MACROD2: variants seen among roughly 807,000 people sequenced by gnomAD.
The protein encoded by MACROD2 is mono-ADP ribosylhydrolase 2, also known as ADP-ribose glycohydrolase MACROD2.
In MACROD2, 36 loss-of-function variants were observed where a neutral mutation model predicts 70.4. The ratio of observed to expected loss-of-function variants is 0.51; its 90% CI spans 0.39 to 0.68. The LOEUF (loss-of-function observed/expected upper bound fraction) is 0.68, where lower values mean the gene tolerates loss of function less well. MACROD2 is among the 30% of genes least tolerant of loss of function. The pLI is 0.00. For synonymous variants in MACROD2, 172 were observed against 178.8 expected (o/e 0.96, Z 0.30); for missense variants, 496 against 538.4 (o/e 0.92, Z 0.78).
At chr20:14,410,860 A>C (rs1339170226) in intron 3 of MACROD2, among the ~76,000 whole-genome samples, 2 of 152,120 alleles carry the variant, frequency 1.3e-5, no homozygotes, top group African/African-American at 4.8e-5. Context: ...CTCAACTACA[A>C]ACACTCTCAT....
rs1018968644 is a variant in MACROD2, at chr20:15,197,033, G to A, written c.419-32907G>A. The A allele has an allele frequency of 2.9e-5, 29 of 985,350 alleles. No individual in the cohort carries two copies. The African/African-American group carries it at 4.9e-4, about 17-fold the overall frequency. The allele number at this position is 985,350 out of a possible 1,614,324, so 61.0% of individuals were successfully genotyped here. ...GGTCGCATAGAGCCAGTTTATGCAG[G>A]TGAGTATTTTGCTCACTCTTATAAG... On this transcript the variant is annotated intron_variant, in intron 5 of 17. Coordinates refer to ENST00000684519, the MANE Select transcript of MACROD2 (RefSeq NM_001351661.2).
At chr20:14,142,362 T>C (rs766586994) in intron 3 of MACROD2, among the ~76,000 whole-genome samples, 8 of 152,184 alleles carry the variant, frequency 5.3e-5, no homozygotes, top group Non-Finnish European at 1.2e-4. Context: ...TTATTGTCTT[T>C]GCTGCTGCTT....
chr20:15,441,028 G>A (rs2046488505), intron 7 of MACROD2, among the ~76,000 whole-genome samples: 1 of 152,142 alleles, frequency 6.6e-6, no homozygotes, highest in Non-Finnish European at 1.5e-5. Context: ...CAGTGCTGGG[G>A]CCAAGCCTAT....
At chr20:14,863,112 C>T (rs381590) in intron 5 of MACROD2, among the ~76,000 whole-genome samples, 3,411 of 152,060 alleles carry the variant, frequency 0.022, 58 homozygotes, top group Non-Finnish European at 0.033. Context: ...AGAAGCAAAT[C>T]ACCCACGGGT....
intron 8 of MACROD2, among the ~76,000 whole-genome samples, chr20:15,607,604 G>T (rs1207946928): frequency 6.6e-6 from 1 of 152,176 alleles, no homozygotes; most frequent in Non-Finnish European, 1.5e-5. Flanking sequence ...CACTATCTTG[G>T]CTCACTGCAA....
At chr20:15,475,348 T>C (rs1276388274) in intron 7 of MACROD2, among the ~76,000 whole-genome samples, 1 of 152,216 alleles carries the variant, frequency 6.6e-6, no homozygotes, top group Admixed American at 6.5e-5. Context: ...ATGATGAATC[T>C]GCAAGAAAGT....
intron 8 of MACROD2, among the ~76,000 whole-genome samples, chr20:15,591,586 T>TAAAAAAAAAA: frequency 1.5e-5 from 1 of 65,110 alleles, no homozygotes; most frequent in Non-Finnish European, 2.6e-5. Flanking sequence ...AAGCCAGTAC[T>TAAAAAAAAAA]AAAAAAAAAA....
chr20:14,768,647 C>T (rs533255924), intron 5 of MACROD2, among the ~76,000 whole-genome samples: 5 of 151,926 alleles, frequency 3.3e-5, no homozygotes, highest in Admixed American at 2.0e-4. Context: ...GATGGAGTCT[C>T]GCTCTGTTGC....
intron 5 of MACROD2, among the ~76,000 whole-genome samples, chr20:14,861,742 C>T (rs2073320118): frequency 6.6e-6 from 1 of 150,458 alleles, no homozygotes; most frequent in African/African-American, 2.4e-5. Context: ...CTCATGCCAT[C>T]TTGGCATTGA....
At chr20:14,273,186 T>C (rs1041313383) in intron 3 of MACROD2, among the ~76,000 whole-genome samples, 3 of 152,126 alleles carry the variant, frequency 2.0e-5, no homozygotes, top group African/African-American at 7.2e-5. Context: ...ATCAACAGAA[T>C]GTACATTTTT....
intron 8 of MACROD2, among the ~76,000 whole-genome samples, chr20:15,671,937 C>A (rs2049985377): frequency 6.6e-6 from 1 of 151,998 alleles, no homozygotes; most frequent in Non-Finnish European, 1.5e-5. Flanking sequence ...AAATATTGTC[C>A]CAGAGAGGGA....
In MACROD2 at chr20:15,520,458, C is replaced by T. The variant is rs1433476231; in HGVS notation, c.645+20611C>T. Among the ~76,000 whole-genome samples, 3 of 152,238 alleles carry T rather than the reference C, an allele frequency of 2.0e-5. No individual in the cohort carries two copies. The East Asian group carries it at 5.8e-4, about 29-fold the overall frequency. ...GCAAGAGCAGGCCATCCATCCCTTT[C>T]ACCCTGGGGTGATGACTATAGCGAT... On this transcript the variant is annotated intron_variant, in intron 8 of 17. Transcript: ENST00000684519.
At chr20:14,378,493 C>T (rs927381517) in intron 3 of MACROD2, among the ~76,000 whole-genome samples, 1 of 152,182 alleles carries the variant, frequency 6.6e-6, no homozygotes, top group African/African-American at 2.4e-5. Flanking sequence ...GCTCAGAGGC[C>T]TCTGCTGCAA....
chr20:14,376,446 G>A (rs1010533082), intron 3 of MACROD2, among the ~76,000 whole-genome samples: 27 of 152,064 alleles, frequency 1.8e-4, no homozygotes, highest in Non-Finnish European at 2.4e-4. Flanking sequence ...ATAATGTAGT[G>A]AAAAGAATGC....
chr20:15,093,742 G>A (rs6079657), intron 5 of MACROD2, among the ~76,000 whole-genome samples: 71,657 of 151,940 alleles, frequency 0.47, 19,020 homozygotes, highest in Non-Finnish European at 0.6. Context: ...GAGGGATATA[G>A]GATACAATTA....
At chr20:15,192,067 A>AACT in intron 5 of MACROD2, among the ~76,000 whole-genome samples, 1 of 134,252 alleles carries the variant, frequency 7.4e-6, no homozygotes, top group African/African-American at 2.8e-5. Flanking sequence ...TCTATCTAAA[A>AACT]CTCTCTCTCT....
chr20:14,176,393 TC>T (rs1569191873), intron 3 of MACROD2, among the ~76,000 whole-genome samples: 1 of 152,234 alleles, frequency 6.6e-6, no homozygotes, highest in Non-Finnish European at 1.5e-5. Flanking sequence ...GGTGGTGACC[TC>T]TCATGATAAC....
chr20:15,624,388 T>C (rs1352937136), intron 8 of MACROD2, among the ~76,000 whole-genome samples: 1 of 152,212 alleles, frequency 6.6e-6, no homozygotes, highest in Non-Finnish European at 1.5e-5. Flanking sequence ...AATAATACTT[T>C]GCATCCTTTA....
chr20:14,176,058 G>T (rs1209954992), intron 3 of MACROD2, among the ~76,000 whole-genome samples: 1 of 152,090 alleles, frequency 6.6e-6, no homozygotes, highest in Non-Finnish European at 1.5e-5. Flanking sequence ...TGTTACTAAC[G>T]GTTGTTAGCT....
Sources: gnomAD v4.1 joint callset for allele counts (sites outside exome capture counted in the v4.1 genomes callset) on GRCh38, gnomAD v4.1.1 for gene constraint, MANE v1.5 for transcripts, NCBI Gene and HGNC (gene_info 2026-07-23, HGNC 2026-07-21) for gene names.